The following IL18BP variants were observed in gnomAD, a reference collection of about 807,000 sequenced individuals.
IL18BP encodes the protein interleukin 18 binding protein, also known as interleukin-18-binding protein.
Under a neutral mutation model 19.9 loss-of-function variants are expected in IL18BP, and 23 were observed. That is an observed-to-expected ratio of 1.15 (90% CI 0.83 to 1.64). The LOEUF is 1.64. Among genes scored for constraint, IL18BP ranks in the 40% most tolerant of loss-of-function variants. The pLI, the probability that IL18BP is intolerant of heterozygous loss-of-function variation, is 0.00. For missense variants in IL18BP, 239 were observed against 240.7 expected, an observed-to-expected ratio of 0.99 and a Z score of 0.05; for synonymous variants, 107 against 101.0, an observed-to-expected ratio of 1.06 and a Z score of -0.35.
Position 72,001,486 on chromosome 11 carries a change from C to T in IL18BP, c.441C>T (p.Asn147=). Residue 147 remains asparagine (N), a synonymous_variant, in exon 5 of 6, where the codon AAC becomes AAT. Transcript: ENST00000393703. ...EQLTPALHST[N]FSCVLVDPEQ... The stretch of plus-strand genomic sequence containing the variant: ...TGACCCCTGCCCTGCACAGCACCAA[C>T]TTCTCCTGTGTGCTCGTGGACCCTG... 2 of 1,614,132 alleles carry T rather than the reference C, an allele frequency of 1.2e-6. No individual in the cohort carries two copies. The highest frequency in any genetic ancestry group is 1.7e-6 in the Non-Finnish European group (2 of 1,179,990).
downstream of IL18BP, chr11:72,007,796 G>A: frequency 2.7e-6 from 1 of 369,714 alleles, no homozygotes; most frequent in Non-Finnish European, 5.1e-6. Flanking sequence ...AGGCCCCCAA[G>A]CCATGAACGT....
In IL18BP at chr11:72,000,436, A is replaced by G; in HGVS notation, c.114A>G (p.Thr38=). Residue 38 remains threonine (T), a synonymous_variant, in exon 3 of 6, where the codon ACA becomes ACG. Coordinates refer to ENST00000393703, the MANE Select transcript of IL18BP (RefSeq NM_001039660.2). Reference sequence around the variant, plus strand: ...CCACACCTGTCTCGCAGACCACCACAGCTGCCACTGCCTCAGTTAGAAGCA... The same window carrying G: ...CCACACCTGTCTCGCAGACCACCACGGCTGCCACTGCCTCAGTTAGAAGCA... ...VRATPVSQTT[T]AATASVRSTK... The G allele has an allele frequency of 6.2e-7, 1 of 1,614,010 alleles. No individual in the cohort carries two copies. Among genetic ancestry groups the G allele is most frequent in the Non-Finnish European group, 8.5e-7 (1 of 1,179,970 alleles).
At position 71,999,379 on chromosome 11, in the gene IL18BP, CTCA is replaced by C. The variant is rs373342292; in HGVS notation, c.-59+363_-59+365del. ...CGGGACAGAATTGATCTGTGAGAGACTCATCTAGTTCATACCCTAGGTGACCCT... is the reference window on the plus strand; with the variant it reads ...CGGGACAGAATTGATCTGTGAGAGACTCTAGTTCATACCCTAGGTGACCCT... On this transcript the variant is annotated intron_variant, in intron 1 of 5. Transcript: ENST00000393703. The C allele has an allele frequency of 1.7e-3, 529 of 304,394 alleles. No individual in the cohort carries two copies. In the East Asian group the frequency reaches 0.018, roughly 10 times the overall value. 18.9% of individuals were successfully genotyped at this position (304,394 alleles called of 1,614,324 possible).
Position 72,002,049 on chromosome 11 carries a change from C to T in IL18BP, c.*188C>T. On this transcript the variant is annotated 3_prime_UTR_variant, in exon 6 of 6. Transcript: ENST00000393703. ...TTCCCACCTACCTAGAAAATCACAGCCTCCTTATAATGCCTCCTCCTCCTG... is the reference window on the plus strand; with the variant it reads ...TTCCCACCTACCTAGAAAATCACAGTCTCCTTATAATGCCTCCTCCTCCTG... The T allele has an allele frequency of 1.3e-6, 1 of 792,464 alleles. No homozygotes were observed. Among genetic ancestry groups the T allele is most frequent in the East Asian group, 2.7e-5 (1 of 37,090 alleles). 49.1% of individuals were successfully genotyped at this position (792,464 alleles called of 1,614,324 possible).
At chr11:72,005,229 TCA>T, downstream of IL18BP, 2 of 1,589,994 alleles carry the variant, frequency 1.3e-6, no homozygotes, top group Non-Finnish European at 1.7e-6. Flanking sequence ...ACCCCAGGCC[TCA>T]CCCTGGACTC....
At chr11:71,999,157 T>G (rs1260674330) in intron 1 of IL18BP, 138 bp downstream of exon 1, 1 of 517,018 alleles carries the variant, frequency 1.9e-6, no homozygotes, top group East Asian at 5.5e-5. Flanking sequence ...GTGGGTAGCC[T>G]GGGAAAGGCC....
At chr11:72,002,881 A>G (rs901811753), downstream of IL18BP, 3 of 222,744 alleles carry the variant, frequency 1.3e-5, no homozygotes, top group Non-Finnish European at 2.7e-5. Context: ...AGAAAAATAG[A>G]CTTTATTTAC....
chr11:72,007,590 T>C, downstream of IL18BP: 3 of 917,486 alleles, frequency 3.3e-6, no homozygotes, highest in Non-Finnish European at 5.0e-6. Flanking sequence ...GGAAAGCACT[T>C]GACCTGGGCC....
At chr11:72,000,227 G>A in intron 2 of IL18BP, 124 bp from the exon 3 acceptor site, 1 of 952,784 alleles carries the variant, frequency 1.0e-6, no homozygotes, top group Non-Finnish European at 1.7e-6. Flanking sequence ...GGGTGCTGAG[G>A]GGTCCCTCTT....
downstream of IL18BP, chr11:72,007,777 C>T (rs1590867996): frequency 5.2e-6 from 2 of 382,106 alleles, no homozygotes; most frequent in East Asian, 6.0e-5. Context: ...ATAGGAACGC[C>T]CCCCACTCAG....
At chr11:72,005,503 C>T (rs1955624823), downstream of IL18BP, 8 of 792,242 alleles carry the variant, frequency 1.0e-5, no homozygotes, top group Admixed American at 2.6e-5. Flanking sequence ...GATTCAGTGC[C>T]GCAGGTGCAG....
chr11:72,000,101 C>T, intron 2 of IL18BP, 89 bp downstream of exon 2: 3 of 1,395,294 alleles, frequency 2.2e-6, no homozygotes, highest in Non-Finnish European at 3.0e-6. Context: ...GCCTTCACTC[C>T]AAGGCAAACC....
At position 72,001,373 on chromosome 11, in the gene IL18BP, T is replaced by G. The variant is rs757423287; in HGVS notation, c.360-32T>G. 8.7e-6 allele frequency: 14 copies of G among 1,614,094 alleles called. No individual in the cohort carries two copies. In the Admixed American group the frequency reaches 1.8e-4, roughly 21 times the overall value. On this transcript the variant is annotated intron_variant, in intron 4 of 5. Transcript: ENST00000393703. ...GGTGGGAAGGAGGCCTTCTGCGGCC[T>G]TCTCATGACCTTTCCTTCCCTTCCG...
chr11:72,003,465 C>G, downstream of IL18BP: 1 of 1,529,700 alleles, frequency 6.5e-7, no homozygotes, highest in Non-Finnish European at 9.1e-7. Context: ...GGACAGTAGG[C>G]GGAGGACCAG....
At position 72,001,364 on chromosome 11, in the gene IL18BP, T is replaced by C. The variant is rs759300545; in HGVS notation, c.359+40T>C. On this transcript the variant is annotated intron_variant, in intron 4 of 5. Coordinates refer to ENST00000393703, the MANE Select transcript of IL18BP (RefSeq NM_001039660.2). ...AGCCAGGTGGGTGGGAAGGAGGCCT[T>C]CTGCGGCCTTCTCATGACCTTTCCT... 5.9e-5 allele frequency: 96 copies of C among 1,614,074 alleles called. No individual in the cohort carries two copies. The Admixed American group carries it at 1.5e-3, about 26-fold the overall frequency.
At chr11:72,000,125 G>T in intron 2 of IL18BP, 113 bp downstream of exon 2, 1 of 1,168,192 alleles carries the variant, frequency 8.6e-7, no homozygotes, top group South Asian at 1.3e-5. Flanking sequence ...CAGCGCACCT[G>T]GTGCTGTTGC....
At chr11:72,001,730 A>T in intron 5 of IL18BP, 54 bp from the exon 6 acceptor site, 12 of 1,613,512 alleles carry the variant, frequency 7.4e-6, no homozygotes, top group Non-Finnish European at 1.0e-5. Flanking sequence ...GGGCAAAGTG[A>T]TGAGATGTCC....
At chr11:72,003,737 G>A (rs1279933631), downstream of IL18BP, 2 of 1,010,506 alleles carry the variant, frequency 2.0e-6, no homozygotes, top group African/African-American at 1.6e-5. Flanking sequence ...TTCTCTCCTT[G>A]GAGAGGAGCT....
At chr11:72,004,886 C>G, downstream of IL18BP, 2 of 1,414,024 alleles carry the variant, frequency 1.4e-6, no homozygotes, top group Non-Finnish European at 9.5e-7. Flanking sequence ...GGGGCTGTCC[C>G]AGAACTCTAC....
Sources: gnomAD v4.1 joint callset for allele counts on GRCh38, gnomAD v4.1.1 for gene constraint, MANE v1.5 for transcripts, NCBI Gene and HGNC (gene_info 2026-07-23, HGNC 2026-07-21) for gene names.